RNF111: variants seen among roughly 807,000 people sequenced by gnomAD.
RNF111 encodes ring finger protein 111, also known as E3 ubiquitin-protein ligase Arkadia.
A neutral mutation model predicts 95.1 loss-of-function variants in RNF111; 17 were observed. The ratio of observed to expected loss-of-function variants is 0.18; its 90% CI spans 0.12 to 0.27. The LOEUF is 0.27. Among genes scored for constraint, RNF111 ranks in the 10% least tolerant of loss-of-function variants. The probability of loss-of-function intolerance (pLI) is 1.00; values close to 1 mark genes in which losing one functional copy is unlikely to be tolerated. For missense variants in RNF111, 1,189 were observed against 1,210.4 expected, an observed-to-expected ratio of 0.98 and a Z score of 0.26; for synonymous variants, 440 against 414.8, an observed-to-expected ratio of 1.06 and a Z score of -0.74.
chr15:59,050,385 A>G (rs561608459), intron 2 of RNF111: 4 of 152,866 alleles, frequency 2.6e-5, no homozygotes, highest in African/African-American at 9.6e-5. Flanking sequence ...TGTGTTTGTC[A>G]TCTTGGTGAA....
In RNF111 at chr15:59,003,833, C is replaced by G. The variant is rs181129939; in HGVS notation, c.-20+15765C>G. Among the ~76,000 whole-genome samples, 466 of 152,300 alleles carry G rather than the reference C, an allele frequency of 3.1e-3. 1 individual carries two copies. The highest frequency in any genetic ancestry group is 4.6e-3 in the Non-Finnish European group (316 of 68,024). ...TGATGCCAGTGCCTAAAACAAGTGC[C>G]TAGCTCATTATAGGCTTTCAATAAA... On this transcript the variant is annotated intron_variant, in intron 1 of 13. Coordinates refer to ENST00000348370, the MANE Select transcript of RNF111 (RefSeq NM_017610.8).
chr15:59,003,488 T>G (rs1275525834), intron 1 of RNF111, among the ~76,000 whole-genome samples: 2 of 152,076 alleles, frequency 1.3e-5, no homozygotes, highest in Non-Finnish European at 2.9e-5. Context: ...AACCTCCACC[T>G]CCTAGGCTCA....
chr15:59,087,584 GA>G (rs1488526571), intron 10 of RNF111, among the ~76,000 whole-genome samples: 9 of 152,026 alleles, frequency 5.9e-5, no homozygotes, highest in African/African-American at 2.2e-4. Flanking sequence ...CAATAAAGTA[GA>G]AAAAAATGTT....
chr15:59,041,684 G>C lies in RNF111; in HGVS notation c.880+9982G>C, dbSNP rs190081557. ...TGTTGAATAAAGGATAAATGCATAT[G>C]TTATTTTGTAAAATATGGCCACATT... On this transcript the variant is annotated intron_variant, in intron 2 of 13. Transcript: ENST00000348370. 3.2e-4 allele frequency among the ~76,000 whole-genome samples: 49 copies of C among 152,316 alleles called. No homozygotes were observed. The East Asian group carries it at 8.1e-3, about 25-fold the overall frequency.
intron 8 of RNF111, among the ~76,000 whole-genome samples, chr15:59,082,924 TTGTTTAGAATAAACA>T (rs2078789600): frequency 6.6e-6 from 1 of 152,232 alleles, no homozygotes; most frequent in Non-Finnish European, 1.5e-5. Flanking sequence ...TGGCAAATTG[TTGTTTAGAATAAACA>T]TGCAAAATCT....
At chr15:58,998,346 C>T (rs117878467) in intron 1 of RNF111, among the ~76,000 whole-genome samples, 1,958 of 151,932 alleles carry the variant, frequency 0.013, 38 homozygotes, top group East Asian at 0.031. Context: ...TTTCACCACC[C>T]AGGTATTAAG....
intron 10 of RNF111, among the ~76,000 whole-genome samples, chr15:59,088,288 A>G (rs1249932589): frequency 6.6e-6 from 1 of 152,190 alleles, no homozygotes; most frequent in Non-Finnish European, 1.5e-5. Flanking sequence ...GCTGGAGGAA[A>G]GAGACTAGGG....
At chr15:59,041,389 A>T (rs1226558986) in intron 2 of RNF111, among the ~76,000 whole-genome samples, 2 of 152,100 alleles carry the variant, frequency 1.3e-5, no homozygotes, top group Non-Finnish European at 2.9e-5. Context: ...CTCTGTCTCT[A>T]CCAAAAATAG....
At chr15:58,993,607 C>T (rs2038916786) in intron 1 of RNF111, among the ~76,000 whole-genome samples, 1 of 152,130 alleles carries the variant, frequency 6.6e-6, no homozygotes, top group Non-Finnish European at 1.5e-5. Context: ...GATAAAAATA[C>T]AGTATTTCGT....
At chr15:59,061,327 T>A (rs1374959630) in intron 5 of RNF111, among the ~76,000 whole-genome samples, 2 of 152,200 alleles carry the variant, frequency 1.3e-5, no homozygotes, top group African/African-American at 4.8e-5. Flanking sequence ...ATCTTGTACC[T>A]TTTTGAATAT....
Position 59,031,336 on chromosome 15 carries a change from G to A in RNF111, c.514G>A (p.Ala172Thr), listed in dbSNP as rs1320966395. ...AAGACATTCCCAGACCATTTTGAAT[G>A]CTAAAAGTAGAAGCCATAGTGCACG... ...SVRHSQTILN[A>T]KSRSHSARSH... is the part of the protein sequence containing the mutation. Residue 172 changes from alanine to threonine, a missense_variant, in exon 2 of 14, where the codon GCT becomes ACT. This residue lies in a region of RNF111 where 1,024 missense variants were observed against 925.9 expected (regional missense o/e 1.11). Coordinates refer to ENST00000348370, the MANE Select transcript of RNF111 (RefSeq NM_017610.8). The A allele has an allele frequency of 6.2e-7, 1 of 1,614,160 alleles. No individual in the cohort carries two copies.
At chr15:59,052,459 T>C (rs1404750404) in intron 3 of RNF111, 28 bp downstream of exon 3, 1 of 1,489,288 alleles carries the variant, frequency 6.7e-7, no homozygotes, top group Admixed American at 2.3e-5. Flanking sequence ...AGTTAAATGT[T>C]TGAAATATTA....
intron 1 of RNF111, among the ~76,000 whole-genome samples, chr15:59,000,712 A>G (rs929748023): frequency 1.3e-5 from 2 of 151,690 alleles, no homozygotes; most frequent in East Asian, 3.9e-4. Context: ...CCGTCTCAAA[A>G]AAAAAAAAAA....
chr15:58,995,577 C>T (rs1331310590), intron 1 of RNF111, among the ~76,000 whole-genome samples: 16 of 151,834 alleles, frequency 1.1e-4, no homozygotes. Flanking sequence ...TCTGCCTCAG[C>T]CTCCCAAATA....
At chr15:59,041,555 T>C (rs1278821010) in intron 2 of RNF111, among the ~76,000 whole-genome samples, 1 of 152,068 alleles carries the variant, frequency 6.6e-6, no homozygotes, top group Non-Finnish European at 1.5e-5. Context: ...AGTGGGACTC[T>C]GTCTCAAAAG....
At chr15:59,091,811 C>G (rs1417408508) in intron 12 of RNF111, among the ~76,000 whole-genome samples, 1 of 152,122 alleles carries the variant, frequency 6.6e-6, no homozygotes, top group African/African-American at 2.4e-5. Context: ...TGAAACTATT[C>G]CACCTCAGAT....
intron 1 of RNF111, among the ~76,000 whole-genome samples, chr15:59,029,549 T>G (rs906176228): frequency 2.6e-5 from 4 of 152,234 alleles, no homozygotes; most frequent in Admixed American, 2.6e-4. Flanking sequence ...TTTGTTCTGA[T>G]AGTAAAGTTA....
chr15:58,990,891 TTTGTTTCTTTCCTACA>T (rs1477480261), intron 1 of RNF111, among the ~76,000 whole-genome samples: 1 of 152,180 alleles, frequency 6.6e-6, no homozygotes, highest in Non-Finnish European at 1.5e-5. Context: ...TATACCTCTG[TTTGTTTCTTTCCTACA>T]TCCTACAGAT....
chr15:59,042,010 ATTCT>A (rs1486125474), intron 2 of RNF111, among the ~76,000 whole-genome samples: 1 of 124,706 alleles, frequency 8.0e-6, no homozygotes, highest in Non-Finnish European at 1.6e-5. Context: ...ACTGGTCTTC[ATTCT>A]TCTATCCATT....
Sources: allele counts gnomAD v4.1 joint callset (sites outside exome capture counted in the v4.1 genomes callset), GRCh38; gene constraint gnomAD v4.1.1; regional missense constraint gnomAD v4.1.1; transcripts MANE v1.5; gene names NCBI Gene and HGNC (gene_info 2026-07-23, HGNC 2026-07-21).